ZNF100: variants seen among roughly 807,000 people sequenced by gnomAD.
The protein encoded by ZNF100 is zinc finger protein 100.
A neutral mutation model predicts 15.8 loss-of-function variants in ZNF100; 12 were observed. That is an observed-to-expected ratio of 0.76 (90% CI 0.49 to 1.23). The LOEUF is 1.23. Ranked by LOEUF, ZNF100 falls within the 50% of genes most tolerant of loss-of-function variation. The pLI, the probability that ZNF100 is intolerant of heterozygous loss-of-function variation, is 0.00. For missense variants in ZNF100, 670 were observed against 635.6 expected, an observed-to-expected ratio of 1.05 and a Z score of -0.58; for synonymous variants, 226 against 214.8, an observed-to-expected ratio of 1.05 and a Z score of -0.45.
chr19:21,728,923 A>C (rs1312104474), intron 4 of ZNF100, among the ~76,000 whole-genome samples: 4 of 151,988 alleles, frequency 2.6e-5, no homozygotes, highest in Non-Finnish European at 5.9e-5. Flanking sequence ...AAATATTTAG[A>C]ATATCAAAAA....
In ZNF100 at chr19:21,727,723, T is replaced by C. The variant is rs1424496811; in HGVS notation, c.589A>G (p.Ile197Val). 2.5e-6 allele frequency: 4 copies of C among 1,613,562 alleles called. No individual in the cohort carries two copies. Among genetic ancestry groups the C allele is most frequent in the East Asian group, 2.2e-5 (1 of 44,858 alleles). Residue 197 changes from isoleucine to valine, a missense_variant, in exon 5 of 5, where the codon ATA (isoleucine) becomes GTA (valine). Physicochemically the swap from Ile to Val is conservative, Grantham distance 29. Transcript: ENST00000358296. The stretch of plus-strand genomic sequence containing the variant: ...AAAGGTTTCTTTCTAGTATGTCTTA[T>C]CTTATGTCTGTTTGAATTTGAAAAT... ...HTFSNSNRHKIRHTRKKPFKC... is the reference protein window; with the variant it reads ...HTFSNSNRHKVRHTRKKPFKC...
At chr19:21,764,946 A>G (rs2036536048) in intron 2 of ZNF100, among the ~76,000 whole-genome samples, 1 of 152,206 alleles carries the variant, frequency 6.6e-6, no homozygotes, top group African/African-American at 2.4e-5. Flanking sequence ...CAAAACTAAA[A>G]TTGAGAGATT....
Position 21,725,649 on chromosome 19 carries a change from G to A in ZNF100, c.*1034C>T, listed in dbSNP as rs1336345679. The A allele has an allele frequency of 1.3e-5, 2 of 151,992 alleles. No individual in the cohort carries two copies. Among genetic ancestry groups the A allele is most frequent in the African/African-American group, 4.8e-5 (2 of 41,400 alleles). 9.4% of individuals were successfully genotyped at this position (151,992 alleles called of 1,614,324 possible). A position where few individuals can be genotyped will look rare whatever the true frequency, so the allele number is the denominator to read the frequency against. On this transcript the variant is annotated 3_prime_UTR_variant, in exon 5 of 5. Coordinates refer to ENST00000358296, the MANE Select transcript of ZNF100 (RefSeq NM_173531.4). The stretch of plus-strand genomic sequence containing the variant: ...AAAGGCAGGAAATAATTTAAGAGTT[G>A]AATTACATTATTACTCACTTTTCAA...
intron 4 of ZNF100, among the ~76,000 whole-genome samples, chr19:21,731,142 G>T (rs57450176): frequency 0.092 from 13,945 of 152,080 alleles, 851 homozygotes; most frequent in South Asian, 0.18. Flanking sequence ...ATTAAAACAA[G>T]TTGGTATGAG....
At chr19:21,730,882 C>A (rs908369550) in intron 4 of ZNF100, among the ~76,000 whole-genome samples, 1 of 152,144 alleles carries the variant, frequency 6.6e-6, no homozygotes, top group Admixed American at 6.5e-5. Flanking sequence ...TTAACACACT[C>A]TTGAGCATGC....
intron 4 of ZNF100, among the ~76,000 whole-genome samples, chr19:21,731,698 T>C (rs1015979374): frequency 6.6e-6 from 1 of 152,130 alleles, no homozygotes; most frequent in African/African-American, 2.4e-5. Context: ...GCAGGAAATA[T>C]TCTAATAACT....
chr19:21,730,099 T>G (rs935466319), intron 4 of ZNF100, among the ~76,000 whole-genome samples: 1 of 151,950 alleles, frequency 6.6e-6, no homozygotes, highest in African/African-American at 2.4e-5. Context: ...AACATTAGTA[T>G]GTCTTTCTGT....
intron 1 of ZNF100, 24 bp downstream of exon 1, chr19:21,767,403 G>A (rs760355161): frequency 6.2e-7 from 1 of 1,608,940 alleles, no homozygotes; most frequent in Non-Finnish European, 8.5e-7. Context: ...CCGTCTCTCG[G>A]GATGTCGGAC....
In ZNF100 at chr19:21,727,387, T is replaced by G; in HGVS notation, c.925A>C (p.Arg309=). The G allele has an allele frequency of 6.2e-7, 1 of 1,613,120 alleles. No homozygotes were observed. The highest frequency in any genetic ancestry group is 8.5e-7 in the Non-Finnish European group (1 of 1,179,818). The change falls in exon 5 of 5, where the codon AGA becomes CGA. Residue 309 remains arginine, a synonymous_variant. Coordinates refer to ENST00000358296, the MANE Select transcript of ZNF100 (RefSeq NM_173531.4). The part of the protein sequence containing the change: ...NRSSHLTTHK[R]IHTGVKPYKC... ...TAGGGTTTCACTCCAGTATGAATTC[T>G]TTTATGTGTAGTAAGGTGTGAAGAC... is the stretch of plus-strand genomic sequence containing the variant.
chr19:21,757,940 G>A (rs1315006007), intron 2 of ZNF100, among the ~76,000 whole-genome samples: 1 of 152,086 alleles, frequency 6.6e-6, no homozygotes, highest in Non-Finnish European at 1.5e-5. Context: ...AATGGGCTGA[G>A]GTAGGAGGAC....
chr19:21,745,064 G>T lies in ZNF100; in HGVS notation c.100C>A (p.Pro34Thr). 6.2e-7 allele frequency: 1 copy of T among 1,609,994 alleles called. No individual in the cohort carries two copies. Among genetic ancestry groups the T allele is most frequent in the Non-Finnish European group, 8.5e-7 (1 of 1,178,984 alleles). Reference sequence around the variant, plus strand: ...ATGGCCACATCCCTAAACGTCAATGGCCCCTGAAAAGCACAAGCACAGAGA... The same window carrying T: ...ATGGCCACATCCCTAAACGTCAATGTCCCCTGAAAAGCACAAGCACAGAGA... Reference protein sequence around the residue: ...LLVQSYFEKGPLTFRDVAIEF... With the variant: ...LLVQSYFEKGTLTFRDVAIEF... Residue 34 changes from proline (P) to threonine (T), a missense_variant, in exon 3 of 5, where the codon CCA becomes ACA. Coordinates refer to ENST00000358296, the MANE Select transcript of ZNF100 (RefSeq NM_173531.4).
At chr19:21,735,500 C>CAAAAAAAAAAA (rs35742501) in intron 4 of ZNF100, among the ~76,000 whole-genome samples, 1 of 82,226 alleles carries the variant, frequency 1.2e-5, no homozygotes, top group Non-Finnish European at 2.3e-5. Context: ...GACTCTGTCT[C>CAAAAAAAAAAA]AAAAAAAAAA....
chr19:21,738,972 T>C (rs2036059857), intron 4 of ZNF100, among the ~76,000 whole-genome samples: 1 of 152,182 alleles, frequency 6.6e-6, no homozygotes. Context: ...CAGGTTCTTT[T>C]AATGAACCAG....
chr19:21,761,041 A>G (rs1245815893), intron 2 of ZNF100, among the ~76,000 whole-genome samples: 2 of 152,078 alleles, frequency 1.3e-5, no homozygotes, highest in Non-Finnish European at 2.9e-5. Context: ...TACAGGGGTG[A>G]GCAACCGTGC....
intron 4 of ZNF100, among the ~76,000 whole-genome samples, chr19:21,737,208 A>G (rs748880452): frequency 2.0e-5 from 3 of 152,112 alleles, no homozygotes; most frequent in African/African-American, 4.8e-5. Flanking sequence ...GATAAAGCAG[A>G]TATCAGCACT....
At chr19:21,733,933 G>T (rs1261399228) in intron 4 of ZNF100, among the ~76,000 whole-genome samples, 1 of 152,248 alleles carries the variant, frequency 6.6e-6, no homozygotes, top group African/African-American at 2.4e-5. Flanking sequence ...CAGGCAAATA[G>T]GATCTGAAGT....
At chr19:21,754,083 A>G (rs8102320) in intron 2 of ZNF100, among the ~76,000 whole-genome samples, 80,289 of 152,046 alleles carry the variant, frequency 0.53, 21,683 homozygotes, top group East Asian at 0.65. Flanking sequence ...TAATCCTAGG[A>G]ATCTTGCTTA....
At chr19:21,736,132 T>C (rs769443678) in intron 4 of ZNF100, among the ~76,000 whole-genome samples, 1 of 151,040 alleles carries the variant, frequency 6.6e-6, no homozygotes, top group South Asian at 2.1e-4. Context: ...CTGTTGCCCA[T>C]GCTAGAGTGC....
intron 4 of ZNF100, among the ~76,000 whole-genome samples, chr19:21,729,937 G>A (rs539952611): frequency 1.2e-4 from 18 of 151,728 alleles, no homozygotes; most frequent in African/African-American, 2.4e-4. Flanking sequence ...AGAGGTTTAC[G>A]TAATCCCCAA....
Sources: allele counts gnomAD v4.1 joint callset (sites outside exome capture counted in the v4.1 genomes callset), GRCh38; gene constraint gnomAD v4.1.1; transcripts MANE v1.5; gene names NCBI Gene and HGNC (gene_info 2026-07-23, HGNC 2026-07-21).